The following RELN variants were observed in gnomAD, a reference collection of about 807,000 sequenced individuals.
RELN encodes reelin.
In RELN, 108 loss-of-function variants were observed where a neutral mutation model predicts 427.6. The ratio of observed to expected loss-of-function variants is 0.25; its 90% CI spans 0.22 to 0.30. The LOEUF (loss-of-function observed/expected upper bound fraction) is 0.30, where lower values mean the gene tolerates loss of function less well. Ranked by LOEUF, RELN falls within the 10% of genes least tolerant of loss-of-function variation. The probability of loss-of-function intolerance (pLI) is 1.00; values close to 1 mark genes in which losing one functional copy is unlikely to be tolerated. For missense variants in RELN, 3,715 were observed against 4,302.8 expected, an observed-to-expected ratio of 0.86 and a Z score of 3.82; for synonymous variants, 1,524 against 1,513.4, an observed-to-expected ratio of 1.01 and a Z score of -0.16.
rs530050467 is a variant in RELN, at chr7:103,960,585, A to T, written c.226+28546T>A. On this transcript the variant is annotated intron_variant, in intron 1 of 64. Coordinates refer to ENST00000428762, the MANE Select transcript of RELN (RefSeq NM_005045.4). ...ATCTGGCATATTTGACAGGTAAATG[A>T]GTAAATCAATGAATGGATAGAATTC... 7.9e-5 allele frequency among the ~76,000 whole-genome samples: 12 copies of T among 152,350 alleles called. No individual in the cohort carries two copies. In the South Asian group the frequency reaches 2.5e-3, roughly 32 times the overall value.
chr7:103,524,238 G>A (rs767354379), intron 46 of RELN, among the ~76,000 whole-genome samples: 3 of 152,100 alleles, frequency 2.0e-5, no homozygotes, highest in Non-Finnish European at 2.9e-5. Context: ...GACTATCTCC[G>A]AGCAGCCGCA....
At chr7:103,525,287 T>C (rs1829798137) in intron 46 of RELN, among the ~76,000 whole-genome samples, 1 of 152,214 alleles carries the variant, frequency 6.6e-6, no homozygotes, top group African/African-American at 2.4e-5. Context: ...GTTTTCCTCT[T>C]ATAGTATTTG....
chr7:103,728,741 G>A (rs1469289140), intron 6 of RELN, among the ~76,000 whole-genome samples: 1 of 152,076 alleles, frequency 6.6e-6, no homozygotes, highest in South Asian at 2.1e-4. Flanking sequence ...TTGGAGTTAT[G>A]GTTAATGTAA....
intron 1 of RELN, among the ~76,000 whole-genome samples, chr7:103,933,175 A>G (rs182093368): frequency 3.3e-5 from 5 of 152,328 alleles, no homozygotes; most frequent in Admixed American, 6.5e-5. Flanking sequence ...TTCCCCATAC[A>G]GACACAGCAG....
chr7:103,747,939 C>T (rs2116056572), intron 6 of RELN, among the ~76,000 whole-genome samples: 1 of 151,824 alleles, frequency 6.6e-6, no homozygotes, highest in East Asian at 1.9e-4. Context: ...TTGATTTAAA[C>T]AACAACAGAA....
At chr7:103,694,379 T>C (rs779952371) in intron 10 of RELN, among the ~76,000 whole-genome samples, 26 of 152,052 alleles carry the variant, frequency 1.7e-4, no homozygotes, top group Non-Finnish European at 3.1e-4. Context: ...GACAAGGTAT[T>C]TAACACCTCT....
intron 57 of RELN, among the ~76,000 whole-genome samples, chr7:103,493,556 T>C (rs1333408723): frequency 1.3e-5 from 2 of 152,182 alleles, no homozygotes; most frequent in East Asian, 1.9e-4. Flanking sequence ...CTTCAAGATA[T>C]GATTCTTGAA....
intron 20 of RELN, among the ~76,000 whole-genome samples, chr7:103,619,190 G>T (rs1299572561): frequency 6.6e-6 from 1 of 152,172 alleles, no homozygotes; most frequent in Non-Finnish European, 1.5e-5. Context: ...CTTAGTGGCA[G>T]TTTATTCTCA....
At chr7:103,855,403 A>G (rs1793921106) in intron 2 of RELN, among the ~76,000 whole-genome samples, 1 of 152,222 alleles carries the variant, frequency 6.6e-6, no homozygotes, top group Admixed American at 6.5e-5. Context: ...AAATGTGTGT[A>G]TGTGTGTAAG....
At chr7:103,494,173 G>A (rs1385943622) in intron 57 of RELN, among the ~76,000 whole-genome samples, 1 of 152,074 alleles carries the variant, frequency 6.6e-6, no homozygotes, top group East Asian at 1.9e-4. Flanking sequence ...GTAGCATTTG[G>A]GGAGCTTGCC....
intron 2 of RELN, among the ~76,000 whole-genome samples, chr7:103,889,772 C>T (rs1794805158): frequency 6.6e-6 from 1 of 152,162 alleles, no homozygotes; most frequent in Non-Finnish European, 1.5e-5. Flanking sequence ...GACTCAAACA[C>T]TCCCTTGTTA....
At chr7:103,648,312 G>A (rs945331802) in intron 16 of RELN, among the ~76,000 whole-genome samples, 1 of 151,970 alleles carries the variant, frequency 6.6e-6, no homozygotes, top group Non-Finnish European at 1.5e-5. Flanking sequence ...CTCCTTCTCT[G>A]GCCATGTAAA....
intron 2 of RELN, among the ~76,000 whole-genome samples, chr7:103,848,755 G>A (rs1369722350): frequency 6.6e-6 from 1 of 152,116 alleles, no homozygotes; most frequent in Non-Finnish European, 1.5e-5. Context: ...AATCATGGAT[G>A]GTACATGCCC....
intron 31 of RELN, among the ~76,000 whole-genome samples, chr7:103,570,677 C>CT (rs1390166001): frequency 6.6e-6 from 1 of 152,230 alleles, no homozygotes; most frequent in Non-Finnish European, 1.5e-5. Flanking sequence ...CTTCACCACA[C>CT]TTTCTCTTTC....
intron 63 of RELN, among the ~76,000 whole-genome samples, chr7:103,482,630 C>G (rs1172619562): frequency 2.6e-5 from 4 of 152,182 alleles, no homozygotes; most frequent in Admixed American, 2.6e-4. Flanking sequence ...CCAATATTGT[C>G]AACCCTTAAA....
At chr7:103,738,795 C>G (rs524949) in intron 6 of RELN, among the ~76,000 whole-genome samples, 32,917 of 149,884 alleles carry the variant, frequency 0.22, 4,737 homozygotes, top group African/African-American at 0.41. Flanking sequence ...TGATTCTCCT[C>G]CCTCAGCCTC....
chr7:103,605,444 C>T (rs1336468086), intron 22 of RELN, among the ~76,000 whole-genome samples: 1 of 152,132 alleles, frequency 6.6e-6, no homozygotes, highest in Non-Finnish European at 1.5e-5. Context: ...GCCCTTAATT[C>T]ACTGAAACGA....
chr7:103,984,153 TAAA>T lies in RELN; in HGVS notation c.226+4975_226+4977del, dbSNP rs71519166. Among the ~76,000 whole-genome samples, 535 of 144,782 alleles carry T rather than the reference TAAA, an allele frequency of 3.7e-3. 5 individuals carry two copies. The highest frequency in any genetic ancestry group is 0.011 in the African/African-American group (437 of 39,770). The allele number at this position is 144,782 out of a possible 152,430, so 95.0% of individuals were successfully genotyped here. ...ATAAAGTTGACCAATTCCCAGGAGGTAAAAAAAAAAAAAAATCAAAGACAGATT... is the reference window on the plus strand; with the variant it reads ...ATAAAGTTGACCAATTCCCAGGAGGTAAAAAAAAAAAATCAAAGACAGATT... On this transcript the variant is annotated intron_variant, in intron 1 of 64. Coordinates refer to ENST00000428762, the MANE Select transcript of RELN (RefSeq NM_005045.4).
At chr7:103,846,697 C>T (rs937088751) in intron 2 of RELN, among the ~76,000 whole-genome samples, 1 of 152,168 alleles carries the variant, frequency 6.6e-6, no homozygotes, top group Non-Finnish European at 1.5e-5. Flanking sequence ...GGGCTAATAT[C>T]CAGAATCTAC....
Sources: gnomAD v4.1 joint callset for allele counts (sites outside exome capture counted in the v4.1 genomes callset) on GRCh38, gnomAD v4.1.1 for gene constraint, MANE v1.5 for transcripts, NCBI Gene and HGNC (gene_info 2026-07-23, HGNC 2026-07-21) for gene names.